The following FAM133A variants were observed in gnomAD, a reference collection of about 807,000 sequenced individuals.
FAM133A encodes the protein family with sequence similarity 133 member A, also known as protein FAM133A.
For missense variants in FAM133A, 159 were observed against 164.4 expected (o/e 0.97, Z 0.18); for synonymous variants, 65 against 58.6 (o/e 1.11, Z -0.50).
intron 2 of FAM133A, among the ~76,000 whole-genome samples, chrX:93,679,958 TAG>T (rs1925014274): frequency 1.4e-5 from 1 of 72,859 alleles, no homozygotes; most frequent in African/African-American, 5.2e-5. Flanking sequence ...TTTTTTTTTT[TAG>T]TAGAGACAGG....
rs1926435634 is a variant in FAM133A at position 93,698,181 on chromosome X, TAAC to T, written c.-192-213_-192-211del. 4.5e-5 allele frequency among the ~76,000 whole-genome samples: 5 copies of T among 111,461 alleles called. No individual in the cohort carries two copies. In the South Asian group the frequency reaches 1.9e-3, roughly 42 times the overall value. ...AGATAGTTGTTTACAATTGAATAAATAACAATAATGTTAAGAAAGTGCTAATCG... is the reference window on the plus strand; with the variant it reads ...AGATAGTTGTTTACAATTGAATAAATAATAATGTTAAGAAAGTGCTAATCG... On this transcript the variant is annotated intron_variant, in intron 2 of 3. Transcript: ENST00000683942.
At chrX:93,684,628 G>T (rs1925390695) in intron 2 of FAM133A, among the ~76,000 whole-genome samples, 1 of 111,929 alleles carries the variant, frequency 8.9e-6, no homozygotes, top group African/African-American at 3.2e-5. Context: ...ATGTGTGTTT[G>T]TTTTCATTCA....
In FAM133A at chrX:93,711,194, A is replaced by T. The variant is rs1456818744; in HGVS notation, c.*1028A>T. 4.1e-5 allele frequency: 5 copies of T among 122,781 alleles called. No homozygotes were observed. The highest frequency in any genetic ancestry group is 3.8e-4 in the Admixed American group (4 of 10,411). 10.1% of individuals were successfully genotyped at this position (122,781 alleles called of 1,213,427 possible). A position where few individuals can be genotyped will look rare whatever the true frequency, so the allele number is the denominator to read the frequency against. Reference sequence around the variant, plus strand: ...TTAGCATGTGAAAAGGTTTTTTTTAAAAAATATGTAATGCCTTCATATTGA... The same window carrying T: ...TTAGCATGTGAAAAGGTTTTTTTTATAAAATATGTAATGCCTTCATATTGA... On this transcript the variant is annotated 3_prime_UTR_variant, in exon 4 of 4. Transcript: ENST00000683942.
intron 2 of FAM133A, among the ~76,000 whole-genome samples, chrX:93,683,956 T>C (rs1240381922): frequency 8.9e-6 from 1 of 111,969 alleles, no homozygotes; most frequent in African/African-American, 3.2e-5. Flanking sequence ...CTAGGTAGAC[T>C]TTTCACATTG....
At chrX:93,698,727 A>G (rs1391535198) in intron 3 of FAM133A, among the ~76,000 whole-genome samples, 4 of 111,875 alleles carry the variant, frequency 3.6e-5, no homozygotes, top group Non-Finnish European at 7.5e-5. Context: ...TTGCTGAAAC[A>G]GTAAGCAGAG....
chrX:93,676,926 CTTT>C (rs58826696), intron 2 of FAM133A, among the ~76,000 whole-genome samples: 42 of 101,052 alleles, frequency 4.2e-4, no homozygotes, highest in East Asian at 1.9e-3. Flanking sequence ...TTTTTGTAGC[CTTT>C]TTTTTTTTTT....
chrX:93,696,789 G>A (rs1926311688), intron 2 of FAM133A, among the ~76,000 whole-genome samples: 2 of 110,072 alleles, frequency 1.8e-5, no homozygotes, highest in Admixed American at 1.9e-4. Context: ...GCATGGTGGC[G>A]GGTGCCTGTA....
At chrX:93,675,651 G>GT (rs1924634765) in intron 2 of FAM133A, among the ~76,000 whole-genome samples, 1 of 111,168 alleles carries the variant, frequency 9.0e-6, no homozygotes, top group African/African-American at 3.3e-5. Flanking sequence ...AATTATTATT[G>GT]TATACATATT....
chrX:93,707,899 A>G (rs755654253), intron 3 of FAM133A, among the ~76,000 whole-genome samples: 9 of 112,208 alleles, frequency 8.0e-5, no homozygotes, highest in Non-Finnish European at 1.5e-4. Flanking sequence ...GATAGGCCAC[A>G]CATGACCTTT....
In FAM133A at chrX:93,709,582, T is replaced by A; in HGVS notation, c.163T>A (p.Ser55Thr). Reference sequence around the variant, plus strand: ...ACAATTAGAAAATAAAAAAACAGGTTCAAAAGCATTAGCTGAATTTGAAGA... The same window carrying A: ...ACAATTAGAAAATAAAAAAACAGGTACAAAAGCATTAGCTGAATTTGAAGA... ...KKQLENKKTG[S>T]KALAEFEEKM... The change falls in exon 4 of 4, where the codon TCA becomes ACA. Residue 55 changes from serine (S) to threonine (T), a missense_variant. Physicochemically the swap from Ser to Thr is moderately conservative, Grantham distance 58 (BLOSUM62 1). Coordinates refer to ENST00000683942, the MANE Select transcript of FAM133A (RefSeq NM_001171109.2). 2.5e-6 allele frequency: 3 copies of A among 1,200,602 alleles called. No individual in the cohort carries two copies. Among genetic ancestry groups the A allele is most frequent in the Non-Finnish European group, 3.4e-6 (3 of 891,723 alleles).
At chrX:93,682,808 G>T (rs908796062) in intron 2 of FAM133A, among the ~76,000 whole-genome samples, 1 of 110,689 alleles carries the variant, frequency 9.0e-6, no homozygotes, top group Admixed American at 9.6e-5. Context: ...TAGAGACGGG[G>T]TTTAACCATG....
chrX:93,696,497 C>G (rs759045860), intron 2 of FAM133A, among the ~76,000 whole-genome samples: 6 of 111,888 alleles, frequency 5.4e-5, no homozygotes, highest in Non-Finnish European at 1.1e-4. Context: ...ATTACTGCCT[C>G]TAAAACTTCT....
intron 2 of FAM133A, among the ~76,000 whole-genome samples, chrX:93,680,591 A>G (rs1023882480): frequency 2.7e-5 from 3 of 111,367 alleles, no homozygotes; most frequent in African/African-American, 9.8e-5. Context: ...ACTTTTCTCC[A>G]TATCCTCACC....
chrX:93,685,900 G>A (rs1328299306), intron 2 of FAM133A, among the ~76,000 whole-genome samples: 1 of 110,680 alleles, frequency 9.0e-6, no homozygotes, highest in Non-Finnish European at 1.9e-5. Context: ...CTTGAGGTCA[G>A]GGGTTCAAGA....
chrX:93,674,357 C>T (rs1924515356), intron 1 of FAM133A, 83 bp downstream of exon 1: 1 of 111,771 alleles, frequency 8.9e-6, no homozygotes, highest in Admixed American at 9.6e-5. Flanking sequence ...TAACTTGCCA[C>T]GTAGCCCTTC....
chrX:93,700,289 G>A (rs1367095320), intron 3 of FAM133A, among the ~76,000 whole-genome samples: 1 of 110,437 alleles, frequency 9.1e-6, no homozygotes, highest in Non-Finnish European at 1.9e-5. Flanking sequence ...GATATATTTG[G>A]AATAAAAACC....
intron 3 of FAM133A, among the ~76,000 whole-genome samples, chrX:93,704,822 T>C (rs1926938519): frequency 8.9e-6 from 1 of 112,015 alleles, no homozygotes; most frequent in African/African-American, 3.2e-5. Context: ...TTTTGTACTG[T>C]ATTCAGCTTT....
At chrX:93,702,560 T>G (rs1199822151) in intron 3 of FAM133A, among the ~76,000 whole-genome samples, 1 of 110,930 alleles carries the variant, frequency 9.0e-6, no homozygotes, top group African/African-American at 3.3e-5. Context: ...AGAAAATTTA[T>G]GTAGGCATAC....
chrX:93,690,066 G>A lies in FAM133A; in HGVS notation c.-192-8331G>A, dbSNP rs776422026. On this transcript the variant is annotated intron_variant, in intron 2 of 3. Transcript: ENST00000683942. ...AAAAAAAAAAAGACTTAGAAGTCAG[G>A]GCTGGAGATATAGACTTGGGTGTAA... 1.1e-4 allele frequency among the ~76,000 whole-genome samples: 12 copies of A among 110,335 alleles called. No homozygotes were observed. In the East Asian group the frequency reaches 3.4e-3, roughly 31 times the overall value.
Sources: allele counts gnomAD v4.1 joint callset (sites outside exome capture counted in the v4.1 genomes callset), GRCh38; gene constraint gnomAD v4.1.1; transcripts MANE v1.5; gene names NCBI Gene and HGNC (gene_info 2026-07-23, HGNC 2026-07-21).